NOTCH3: variants seen among roughly 807,000 people sequenced by gnomAD.
NOTCH3 encodes the protein notch receptor 3.
NOTCH3 carries 86 observed loss-of-function variants against 213.3 expected under a neutral mutation model. The ratio of observed to expected loss-of-function variants is 0.40; its 90% CI spans 0.34 to 0.48. The LOEUF is 0.48. Among genes scored for constraint, NOTCH3 ranks in the 20% least tolerant of loss-of-function variants. The pLI, the probability that NOTCH3 is intolerant of heterozygous loss-of-function variation, is 0.57. For synonymous variants in NOTCH3, 1,354 were observed against 1,355.9 expected, an observed-to-expected ratio of 1.00 and a Z score of 0.03; for missense variants, 2,783 against 3,272.6, an observed-to-expected ratio of 0.85 and a Z score of 3.65.
chr19:15,171,159 G>A (rs1273139114), intron 25 of NOTCH3, among the ~76,000 whole-genome samples: 1 of 152,204 alleles, frequency 6.6e-6, no homozygotes, highest in East Asian at 1.9e-4. Context: ...CCAAGTAGCT[G>A]GGATTACAGG....
chr19:15,179,629 C>T, intron 20 of NOTCH3, 133 bp from the exon 21 acceptor site: 1 of 1,009,942 alleles, frequency 9.9e-7, no homozygotes, highest in South Asian at 1.4e-5. Context: ...AGTAGGTAAT[C>T]CCAGCACTTT....
rs768021714 is a variant in NOTCH3 at position 15,181,689 on chromosome 19, G to T, written c.2679C>A (p.Ser893Arg). 6.4e-7 allele frequency: 1 copy of T among 1,560,860 alleles called. No homozygotes were observed. The highest frequency in any genetic ancestry group is 8.7e-7 in the Non-Finnish European group (1 of 1,152,164). ...RCARDVDECL[S>R]NPCGPGTCTD... ...TACAGGTGCCCGGGCCGCAGGGGTT[G>T]CTCAGGCACTCATCCACATCGCGGG... The change falls in exon 17 of 33, where the codon AGC (serine) becomes AGA (arginine). Residue 893 changes from serine (S) to arginine (R), a missense_variant. Physicochemically the swap from Ser to Arg is moderately radical, Grantham distance 110 (BLOSUM62 -1). Coordinates refer to ENST00000263388, the MANE Select transcript of NOTCH3 (RefSeq NM_000435.3).
chr19:15,178,965 T>A (rs779112902), intron 22 of NOTCH3, 24 bp from the exon 23 acceptor site: 11 of 1,613,886 alleles, frequency 6.8e-6, no homozygotes, highest in South Asian at 3.3e-5. Flanking sequence ...AGCATGTAGA[T>A]CAGCCACAAT....
chr19:15,195,437 C>A (rs959630198), intron 2 of NOTCH3, among the ~76,000 whole-genome samples: 10 of 151,954 alleles, frequency 6.6e-5, no homozygotes, highest in Non-Finnish European at 1.2e-4. Context: ...AAGCTCCGCC[C>A]CCCGACGCTG....
intron 28 of NOTCH3, among the ~76,000 whole-genome samples, chr19:15,169,343 G>A (rs111997351): frequency 0.014 from 2,157 of 152,094 alleles, 40 homozygotes; most frequent in African/African-American, 0.047. Context: ...CCTTGGGCTT[G>A]GACTTCCAAC....
intron 9 of NOTCH3, 24 bp downstream of exon 9, chr19:15,188,211 G>A: frequency 1.3e-6 from 2 of 1,535,622 alleles, no homozygotes; most frequent in South Asian, 1.2e-5. Flanking sequence ...TGTCTTTTCG[G>A]GCTCCCTCTC....
At chr19:15,196,230 G>A (rs1156708281) in intron 2 of NOTCH3, among the ~76,000 whole-genome samples, 1 of 152,080 alleles carries the variant, frequency 6.6e-6, no homozygotes. Context: ...GGGCAGCCGC[G>A]GGCTCATTCA....
intron 28 of NOTCH3, among the ~76,000 whole-genome samples, chr19:15,169,141 A>G (rs1328702716): frequency 1.3e-5 from 2 of 151,676 alleles, no homozygotes; most frequent in Non-Finnish European, 2.9e-5. Context: ...ACCCTAATCC[A>G]ATAGGATTGG....
chr19:15,184,078 A>G (rs1468305055), intron 16 of NOTCH3, among the ~76,000 whole-genome samples: 1 of 149,274 alleles, frequency 6.7e-6, no homozygotes, highest in East Asian at 1.9e-4. Context: ...GGCAGCACAC[A>G]GACTCCAAGG....
At position 15,161,661 on chromosome 19, in the gene NOTCH3, C is replaced by T. The variant is rs1275061027; in HGVS notation, c.5967G>A (p.Lys1989=). The T allele has an allele frequency of 2.5e-6, 4 of 1,613,950 alleles. No individual in the cohort carries two copies. The highest frequency in any genetic ancestry group is 3.4e-6 in the Non-Finnish European group (4 of 1,179,952). The part of the protein sequence containing the change: ...AAREGSYEAA[K]LLLDHFANRE... ...GGTTGGCAAAGTGGTCCAACAGCAG[C>T]TTGGCAGCCTCATAGCTGCCCTCGC... Residue 1989 remains lysine (K), a synonymous_variant, in exon 33 of 33, where the codon AAG becomes AAA. Coordinates refer to ENST00000263388, the MANE Select transcript of NOTCH3 (RefSeq NM_000435.3).
At position 15,170,446 on chromosome 19, in the gene NOTCH3, G is replaced by A. The variant is rs2046722417; in HGVS notation, c.4999C>T (p.Arg1667Cys). 1.2e-6 allele frequency: 2 copies of A among 1,610,894 alleles called. No homozygotes were observed. The highest frequency in any genetic ancestry group is 2.2e-5 in the East Asian group (1 of 44,872). Residue 1667 changes from arginine to cysteine, a missense_variant, in exon 27 of 33, where the codon CGC (arginine) becomes TGC (cysteine). Arg to Cys is a radical substitution (Grantham distance 180). Transcript: ENST00000263388. ...ILVLGVMVAR[R>C]KREHSTLWFP... is the part of the protein sequence containing the mutation. Reference sequence around the variant, plus strand: ...CAGAGGGTGCTGTGCTCGCGCTTGCGCCGGGCCACCATGACACCCAGGACG... The same window carrying A: ...CAGAGGGTGCTGTGCTCGCGCTTGCACCGGGCCACCATGACACCCAGGACG...
At chr19:15,170,974 T>C in intron 25 of NOTCH3, 149 bp from the exon 26 acceptor site, 1 of 809,622 alleles carries the variant, frequency 1.2e-6, no homozygotes, top group Non-Finnish European at 2.0e-6. Flanking sequence ...CCACCTGGCA[T>C]CCAACCCCAC....
chr19:15,181,768 C>G lies in NOTCH3; in HGVS notation c.2600G>C (p.Gly867Ala), dbSNP rs1402806023. Residue 867 changes from glycine (G) to alanine (A), a missense_variant, in exon 17 of 33, where the codon GGC becomes GCC. By Grantham distance (60) the Gly-to-Ala change is moderately conservative (BLOSUM62 0). Around this residue, in one of 6 missense-constraint regions of NOTCH3, gnomAD observed 861 missense variants for 909.1 expected, o/e 0.95. Coordinates refer to ENST00000263388, the MANE Select transcript of NOTCH3 (RefSeq NM_000435.3). The stretch of plus-strand genomic sequence containing the variant: ...GCAGGAGCAGGAAAAGGAGCCCACG[C>G]CGTCTTGGCACGAGCCACCGTTCAG... Reference protein sequence around the residue: ...PCLNGGSCQDGVGSFSCSCLP... With the variant: ...PCLNGGSCQDAVGSFSCSCLP... 2 of 1,567,712 alleles carry G rather than the reference C, an allele frequency of 1.3e-6. No homozygotes were observed. Among genetic ancestry groups the G allele is most frequent in the Non-Finnish European group, 1.7e-6 (2 of 1,155,906 alleles).
intron 2 of NOTCH3, among the ~76,000 whole-genome samples, chr19:15,195,614 C>A (rs933179301): frequency 8.2e-4 from 124 of 151,880 alleles, no homozygotes; most frequent in Non-Finnish European, 1.1e-3. Flanking sequence ...CAGGTCGGGG[C>A]ACGGCCGAGC....
In NOTCH3 at chr19:15,192,210, G is replaced by A. The variant is rs1234511638; in HGVS notation, c.429C>T (p.Leu143=). The change falls in exon 4 of 33, where the codon CTC becomes CTT. Residue 143 remains leucine (L), a synonymous_variant. Transcript: ENST00000263388. ...CCTGGTAGCCAGGTGGGCAGGAGCAGAGGAAGCGTCCATCGGGCCCCACTG... is the reference window on the plus strand; with the variant it reads ...CCTGGTAGCCAGGTGGGCAGGAGCAAAGGAAGCGTCCATCGGGCCCCACTG... ...RCSVGPDGRF[L]CSCPPGYQGR... The A allele has an allele frequency of 6.2e-7, 1 of 1,610,986 alleles. No homozygotes were observed. The highest frequency in any genetic ancestry group is 1.7e-5 in the Admixed American group (1 of 59,672).
At position 15,174,138 on chromosome 19, in the gene NOTCH3, A is replaced by C; in HGVS notation, c.4666T>G (p.Phe1556Val). Residue 1556 changes from phenylalanine to valine, a missense_variant, in exon 25 of 33, where the codon TTC becomes GTC. By Grantham distance (50) the Phe-to-Val change is conservative. Around this residue, in one of 6 missense-constraint regions of NOTCH3, gnomAD observed 636 missense variants for 801.8 expected, o/e 0.79. Transcript: ENST00000263388. ...RLDAHGQAMV[F>V]PYHRPSPGSE... ...CCAGGACTAGGCCGGTGGTAAGGGA[A>C]GACCATGGCCTGGCCGTGCGCGTCC... The C allele has an allele frequency of 1.2e-6, 2 of 1,608,384 alleles. No homozygotes were observed. Among genetic ancestry groups the C allele is most frequent in the Non-Finnish European group, 1.7e-6 (2 of 1,177,720 alleles).
Position 15,159,276 on chromosome 19 carries a change from TC to T in NOTCH3, c.*1385del, listed in dbSNP as rs2046620988. ...CCATTTGAGCTCTCATTTCTGATTC[TC>T]CCTGAATATTAGCTTCATTCTTCTG... On this transcript the variant is annotated 3_prime_UTR_variant, in exon 33 of 33. Transcript: ENST00000263388. The T allele has an allele frequency of 1.3e-5, 2 of 153,508 alleles. No homozygotes were observed. Among genetic ancestry groups the T allele is most frequent in the Non-Finnish European group, 2.9e-5 (2 of 68,854 alleles). 9.5% of individuals were successfully genotyped at this position (153,508 alleles called of 1,614,324 possible).
Position 15,181,616 on chromosome 19 carries a change from C to A in NOTCH3, c.2752G>T (p.Gly918Cys). Residue 918 changes from glycine to cysteine, a missense_variant, in exon 17 of 33, where the codon GGC (glycine) becomes TGC (cysteine). By Grantham distance (159) the Gly-to-Cys change is radical (BLOSUM62 -3). This residue lies in a region of NOTCH3 where 861 missense variants were observed against 909.1 expected (regional missense o/e 0.95). Transcript: ENST00000263388. ...GGCAGGTCCTGTTCGCAGTGGAAGCCTCCGTAGCCTGGCGGGCAGGTGCAG... is the reference window on the plus strand; with the variant it reads ...GGCAGGTCCTGTTCGCAGTGGAAGCATCCGTAGCCTGGCGGGCAGGTGCAG... ...FTCTCPPGYG[G>C]FHCEQDLPDC... 6.4e-7 allele frequency: 1 copy of A among 1,550,838 alleles called. No homozygotes were observed. The highest frequency in any genetic ancestry group is 8.7e-7 in the Non-Finnish European group (1 of 1,146,892).
In NOTCH3 at chr19:15,161,715, C is replaced by CA. The variant is rs762589263; in HGVS notation, c.5914-2_5914-1insT. On this transcript the variant is annotated splice_acceptor_variant, in intron 32 of 32. Transcript: ENST00000263388. LOFTEE classifies it high-confidence loss of function. ...CGGCCAGGAATAGGGGGGTCTCCTC[C>CA]TGGGGGGCCAGAACCCACAGAGGTC... 6.2e-7 allele frequency: 1 copy of CA among 1,613,198 alleles called. No individual in the cohort carries two copies. The highest frequency in any genetic ancestry group is 8.5e-7 in the Non-Finnish European group (1 of 1,179,612).
Sources: gnomAD v4.1 joint callset for allele counts (sites outside exome capture counted in the v4.1 genomes callset) on GRCh38, gnomAD v4.1.1 for gene constraint, gnomAD v4.1.1 regional missense constraint, MANE v1.5 for transcripts, NCBI Gene and HGNC (gene_info 2026-07-23, HGNC 2026-07-21) for gene names.